CYP3A7: variants seen among roughly 807,000 people sequenced by gnomAD.
The protein encoded by CYP3A7 is cytochrome P450 family 3 subfamily A member 7, also known as cytochrome P450 3A7.
CYP3A7 carries 45 observed loss-of-function variants against 55.2 expected under a neutral mutation model. The ratio of observed to expected loss-of-function variants is 0.82; its 90% confidence interval spans 0.64 to 1.05. The LOEUF (loss-of-function observed/expected upper bound fraction) is 1.05. Among genes scored for constraint, CYP3A7 ranks in the 50% least tolerant of loss-of-function variants. CYP3A7 has a pLI of 0.00. For missense variants in CYP3A7, 548 were observed against 605.3 expected, an observed-to-expected ratio of 0.91 and a Z score of 0.99; for synonymous variants, 180 against 207.4, an observed-to-expected ratio of 0.87 and a Z score of 1.13.
chr7:99,708,768 T>A (rs994566765), intron 11 of CYP3A7, among the ~76,000 whole-genome samples: 2 of 152,014 alleles, frequency 1.3e-5, no homozygotes, highest in African/African-American at 4.8e-5. Flanking sequence ...TTTAAAAGAG[T>A]CCTTACATTT....
chr7:99,720,639 G>T, intron 3 of CYP3A7: 1 of 472,920 alleles, frequency 2.1e-6, no homozygotes, highest in Non-Finnish European at 3.8e-6. Context: ...ACAGGGAAGA[G>T]AGATTGAAAG....
chr7:99,732,798 T>C (rs896219907), intron 1 of CYP3A7, among the ~76,000 whole-genome samples: 5 of 152,178 alleles, frequency 3.3e-5, no homozygotes, highest in African/African-American at 1.2e-4. Flanking sequence ...ATGCCTCATA[T>C]GTGCTTTCAG....
At chr7:99,729,375 C>T (rs1814537498) in intron 2 of CYP3A7, among the ~76,000 whole-genome samples, 1 of 152,124 alleles carries the variant, frequency 6.6e-6, no homozygotes, top group Admixed American at 6.6e-5. Flanking sequence ...GTCCACATGG[C>T]CCATAATCCC....
intron 9 of CYP3A7, 145 bp from the exon 10 acceptor site, chr7:99,711,037 C>T (rs1211569544): frequency 1.0e-5 from 14 of 1,369,000 alleles, no homozygotes; most frequent in Admixed American, 4.2e-5. Context: ...GGTGGTTTCA[C>T]TCTGATGTGT....
intron 10 of CYP3A7, among the ~76,000 whole-genome samples, chr7:99,710,077 C>T (rs1469246073): frequency 2.0e-5 from 3 of 152,136 alleles, no homozygotes; most frequent in South Asian, 2.1e-4. Context: ...CTCTGAAGAA[C>T]ATCCCTTTGT....
chr7:99,707,587 A>G (rs1476186829), intron 12 of CYP3A7, among the ~76,000 whole-genome samples: 1 of 152,226 alleles, frequency 6.6e-6, no homozygotes, highest in Non-Finnish European at 1.5e-5. Context: ...GTAGATAATC[A>G]TGTCATGCTA....
At chr7:99,734,277 G>A (rs1006957140) in intron 1 of CYP3A7, among the ~76,000 whole-genome samples, 27 of 152,316 alleles carry the variant, frequency 1.8e-4, no homozygotes, top group African/African-American at 6.3e-4. Flanking sequence ...AGTAAAATGT[G>A]ACAGGCGGGA....
chr7:99,731,480 C>T (rs143681854), intron 1 of CYP3A7, among the ~76,000 whole-genome samples: 117 of 152,254 alleles, frequency 7.7e-4, no homozygotes, highest in African/African-American at 2.8e-3. Flanking sequence ...ACTTCATTCC[C>T]TCATGTCTTT....
intron 8 of CYP3A7, among the ~76,000 whole-genome samples, chr7:99,713,926 T>C (rs1303077907): frequency 6.6e-6 from 1 of 152,186 alleles, no homozygotes; most frequent in Non-Finnish European, 1.5e-5. Context: ...TCCCCAAATC[T>C]GTACAATCTT....
At position 99,710,785 on chromosome 7, in the gene CYP3A7, G is replaced by C; in HGVS notation, c.973C>G (p.Pro325Ala). ...TTCTGCACTTTCTGCTGGACATCAG[G>C]GTGAGTGGCCAGTTCATATATAATG... The part of the protein sequence containing the change: ...SFIIYELATH[P>A]DVQQKVQKEI... Residue 325 changes from proline to alanine, a missense_variant, in exon 10 of 13, where the codon CCT becomes GCT. Transcript: ENST00000336374. The C allele has an allele frequency of 6.2e-7, 1 of 1,613,880 alleles. No individual in the cohort carries two copies. The highest frequency in any genetic ancestry group is 1.1e-5 in the South Asian group (1 of 91,080).
intron 11 of CYP3A7, among the ~76,000 whole-genome samples, chr7:99,708,725 T>G (rs544338285): frequency 5.9e-5 from 9 of 152,298 alleles, no homozygotes; most frequent in East Asian, 1.9e-4. Flanking sequence ...TATTCATTTG[T>G]GGGACATAAT....
At chr7:99,721,060 A>G (rs985339838) in intron 3 of CYP3A7, 4 of 152,840 alleles carry the variant, frequency 2.6e-5, no homozygotes, top group African/African-American at 9.7e-5. Flanking sequence ...CACCTCTTCC[A>G]CCGCTCTTGC....
chr7:99,734,874 G>C (rs1333542942), intron 1 of CYP3A7, 149 bp downstream of exon 1: 9 of 1,188,254 alleles, frequency 7.6e-6, no homozygotes, highest in Non-Finnish European at 1.1e-5. Flanking sequence ...CACCTGCTCA[G>C]CATCCCAAAG....
In CYP3A7 at chr7:99,717,666, T is replaced by C. The variant is rs766018297; in HGVS notation, c.319-27A>G. 8 of 1,612,132 alleles carry C rather than the reference T, an allele frequency of 5.0e-6. No homozygotes were observed. The East Asian group carries it at 1.8e-4, about 36-fold the overall frequency. On this transcript the variant is annotated intron_variant, in intron 4 of 12. Coordinates refer to ENST00000336374, the MANE Select transcript of CYP3A7 (RefSeq NM_000765.5). Reference sequence around the variant, plus strand: ...TAGAGTTCAAAGCAGAAAGATTTTGTCCTACATCAGTTGTGGAGGTCTCCA... The same window carrying C: ...TAGAGTTCAAAGCAGAAAGATTTTGCCCTACATCAGTTGTGGAGGTCTCCA...
In CYP3A7 at chr7:99,731,059, C is replaced by T; in HGVS notation, c.165G>A (p.Lys55=). The T allele has an allele frequency of 6.2e-7, 1 of 1,613,762 alleles. No individual in the cohort carries two copies. Among genetic ancestry groups the T allele is most frequent in the African/African-American group, 1.3e-5 (1 of 75,036 alleles). Residue 55 remains lysine (K), a splice_region_variant and synonymous_variant, in exon 2 of 13, where the codon AAG becomes AAA. Coordinates refer to ENST00000336374, the MANE Select transcript of CYP3A7 (RefSeq NM_000765.5). ...PFLGNALSFR[K]GYWTFDMECY... is the part of the protein sequence containing the mutation. ...AAAGAGGAAGCTCAAAAACACTCAC[C>T]TTACGGAAGGACAAAGCATTTCCCA...
At chr7:99,715,463 A>G in intron 7 of CYP3A7, 4 of 376,426 alleles carry the variant, frequency 1.1e-5, no homozygotes, top group East Asian at 5.8e-5. Flanking sequence ...AAAAATTAAT[A>G]TCATTTCTAT....
chr7:99,709,796 A>G (rs1033910988), intron 10 of CYP3A7, among the ~76,000 whole-genome samples: 19 of 152,060 alleles, frequency 1.2e-4, no homozygotes, highest in African/African-American at 4.6e-4. Flanking sequence ...GTGTATATAT[A>G]TATATATGCA....
At chr7:99,715,679 A>G (rs1273617849) in intron 7 of CYP3A7, 79 bp downstream of exon 7, 1 of 1,605,614 alleles carries the variant, frequency 6.2e-7, no homozygotes, top group Non-Finnish European at 8.5e-7. Flanking sequence ...AAGTGGATGA[A>G]TTACATGGTG....
chr7:99,730,851 G>A (rs144647771), intron 2 of CYP3A7: 346 of 572,128 alleles, frequency 6.0e-4, no homozygotes, highest in Middle Eastern at 9.6e-4. Flanking sequence ...TGACATTTGG[G>A]CTGTCCAACT....
Sources: gnomAD v4.1 joint callset for allele counts (sites outside exome capture counted in the v4.1 genomes callset) on GRCh38, gnomAD v4.1.1 for gene constraint, MANE v1.5 for transcripts, NCBI Gene and HGNC (gene_info 2026-07-23, HGNC 2026-07-21) for gene names.